The following TTC23 variants were observed in gnomAD, a reference collection of about 807,000 sequenced individuals.
TTC23 encodes tetratricopeptide repeat protein 23.
In TTC23, 58 loss-of-function variants were observed where a neutral mutation model predicts 55.1. That is an observed-to-expected ratio of 1.05 (90% CI 0.85 to 1.31). TTC23 has a LOEUF of 1.31. Ranked by LOEUF, TTC23 falls within the 50% of genes most tolerant of loss-of-function variation. TTC23 has a pLI of 0.00. For synonymous variants in TTC23, 203 were observed against 199.9 expected, an observed-to-expected ratio of 1.02 and a Z score of -0.13; for missense variants, 516 against 534.4, an observed-to-expected ratio of 0.97 and a Z score of 0.34.
intron 9 of TTC23, among the ~76,000 whole-genome samples, chr15:99,186,784 T>C (rs1025284594): frequency 2.6e-5 from 4 of 152,186 alleles, no homozygotes; most frequent in Admixed American, 2.6e-4. Flanking sequence ...CTACAAAACA[T>C]GGTTGAATGA....
At chr15:99,197,234 C>T (rs1221754154) in intron 9 of TTC23, among the ~76,000 whole-genome samples, 2 of 152,080 alleles carry the variant, frequency 1.3e-5, no homozygotes, top group Non-Finnish European at 2.9e-5. Flanking sequence ...TCCCGAGTAG[C>T]TGGGACTACA....
intron 11 of TTC23, 73 bp downstream of exon 11, chr15:99,161,667 T>C: frequency 6.5e-7 from 1 of 1,530,046 alleles, no homozygotes; most frequent in Non-Finnish European, 8.8e-7. Flanking sequence ...TAATGGATGC[T>C]TGCAGAGTAA....
At chr15:99,224,872 T>A (rs1404290416) in intron 5 of TTC23, among the ~76,000 whole-genome samples, 1 of 152,232 alleles carries the variant, frequency 6.6e-6, no homozygotes. Context: ...CCCAAATTGA[T>A]GAGGCTGAGC....
intron 5 of TTC23, among the ~76,000 whole-genome samples, chr15:99,222,481 TTGCC>T (rs1417224253): frequency 1.3e-5 from 2 of 152,226 alleles, no homozygotes; most frequent in Non-Finnish European, 2.9e-5. Context: ...TTTTGCCATG[TTGCC>T]CAGGCTGTCA....
chr15:99,182,798 T>C (rs1242151673), intron 9 of TTC23, among the ~76,000 whole-genome samples: 3 of 150,668 alleles, frequency 2.0e-5, no homozygotes, highest in Non-Finnish European at 4.4e-5. Flanking sequence ...AAAGAACATG[T>C]ATCATTTTTT....
At position 99,154,725 on chromosome 15, in the gene TTC23, C is replaced by T. The variant is rs561888779; in HGVS notation, c.1143+1423G>A. Among the ~76,000 whole-genome samples, 7 of 152,266 alleles carry T rather than the reference C, an allele frequency of 4.6e-5. No individual in the cohort carries two copies. The South Asian group carries it at 1.5e-3, about 32-fold the overall frequency. ...AACCATCTGATAATCTCCACTGATG[C>T]TGAAAAAGCCTTTGGTAAAATTCCA... On this transcript the variant is annotated intron_variant, in intron 12 of 13. Transcript: ENST00000394132.
intron 11 of TTC23, chr15:99,157,156 C>T (rs1252972324): frequency 6.9e-6 from 1 of 144,652 alleles, no homozygotes; most frequent in Non-Finnish European, 1.5e-5. Flanking sequence ...TTTTTAAATC[C>T]GTCTCACCGT....
At chr15:99,147,790 G>A (rs1019688546) in intron 12 of TTC23, among the ~76,000 whole-genome samples, 1 of 152,128 alleles carries the variant, frequency 6.6e-6, no homozygotes, top group Non-Finnish European at 1.5e-5. Flanking sequence ...GACAAATGAG[G>A]CTCTACACAT....
chr15:99,193,972 G>T (rs1452041602), intron 9 of TTC23, among the ~76,000 whole-genome samples: 5 of 151,432 alleles, frequency 3.3e-5, no homozygotes, highest in African/African-American at 1.2e-4. Context: ...TTGTGCCACT[G>T]CACTCCAGCC....
At chr15:99,177,953 G>A (rs1176851652) in intron 9 of TTC23, among the ~76,000 whole-genome samples, 1 of 152,160 alleles carries the variant, frequency 6.6e-6, no homozygotes, top group Non-Finnish European at 1.5e-5. Context: ...GCCGAGGCAG[G>A]AGGATCACTT....
chr15:99,219,673 C>A (rs534910266), intron 6 of TTC23, among the ~76,000 whole-genome samples: 1 of 152,174 alleles, frequency 6.6e-6, no homozygotes, highest in South Asian at 2.1e-4. Flanking sequence ...CCAGTGTGTT[C>A]CAGTGTTCCT....
At chr15:99,198,650 C>T (rs558593320) in intron 9 of TTC23, among the ~76,000 whole-genome samples, 1 of 152,292 alleles carries the variant, frequency 6.6e-6, no homozygotes, top group East Asian at 1.9e-4. Context: ...TATCACTCAA[C>T]CTCTCTAATT....
intron 12 of TTC23, chr15:99,140,362 TG>T (rs1390971720): frequency 2.6e-5 from 4 of 152,240 alleles, no homozygotes; most frequent in African/African-American, 9.6e-5. Context: ...ATGAAAATAC[TG>T]GAAAATATAT....
chr15:99,149,922 TC>T (rs1332103629), intron 12 of TTC23, among the ~76,000 whole-genome samples: 1 of 152,200 alleles, frequency 6.6e-6, no homozygotes, highest in African/African-American at 2.4e-5. Flanking sequence ...ATCTCTCTTA[TC>T]ATTTGCCACC....
chr15:99,229,773 C>G (rs1355977110), intron 4 of TTC23, among the ~76,000 whole-genome samples: 1 of 152,178 alleles, frequency 6.6e-6, no homozygotes, highest in Non-Finnish European at 1.5e-5. Flanking sequence ...TCCCACCAAC[C>G]AGACTGAAAA....
At chr15:99,231,639 C>G (rs1419649349) in intron 4 of TTC23, among the ~76,000 whole-genome samples, 1 of 150,482 alleles carries the variant, frequency 6.6e-6, no homozygotes, top group African/African-American at 2.5e-5. Context: ...ACTACAGGCG[C>G]CCGCCACCAT....
At chr15:99,251,128 T>A (rs2080710572), upstream of TTC23, 1 of 152,118 alleles carries the variant, frequency 6.6e-6, no homozygotes, top group South Asian at 2.1e-4. Context: ...AACTGGCGGT[T>A]CCCGAAGTTG....
intron 8 of TTC23, among the ~76,000 whole-genome samples, chr15:99,205,204 T>G (rs1567479481): frequency 6.6e-6 from 1 of 152,246 alleles, no homozygotes; most frequent in Non-Finnish European, 1.5e-5. Context: ...ACTATAGATC[T>G]GTAGTATAGT....
Position 99,224,734 on chromosome 15 carries a change from G to GC in TTC23, c.181-2871dup, listed in dbSNP as rs1313450020. ...GAGGTTGTACCAGTTCATACTTTCA[G>GC]CGCAGCACATGTGAGCAGAAATGCC... On this transcript the variant is annotated intron_variant, in intron 5 of 13. Coordinates refer to ENST00000394132, the MANE Select transcript of TTC23 (RefSeq NM_001288615.3). Among the ~76,000 whole-genome samples, 4 of 152,332 alleles carry GC rather than the reference G, an allele frequency of 2.6e-5. No individual in the cohort carries two copies. In the East Asian group the frequency reaches 5.8e-4, roughly 22 times the overall value.
Sources: gnomAD v4.1 joint callset for allele counts (sites outside exome capture counted in the v4.1 genomes callset) on GRCh38, gnomAD v4.1.1 for gene constraint, MANE v1.5 for transcripts, NCBI Gene and HGNC (gene_info 2026-07-23, HGNC 2026-07-21) for gene names.